The following CEP72 variants were observed in gnomAD, a reference collection of about 807,000 sequenced individuals.
CEP72 encodes centrosomal protein 72.
Under a neutral mutation model 65.7 loss-of-function variants are expected in CEP72, and 78 were observed. That is an observed-to-expected ratio of 1.19 (90% CI 0.99 to 1.43). The LOEUF is 1.43. Ranked by LOEUF, CEP72 falls within the 40% of genes most tolerant of loss-of-function variation. CEP72 has a pLI of 0.00. For missense variants in CEP72, 914 were observed against 832.9 expected (o/e 1.10, Z -1.20); for synonymous variants, 358 against 351.7 (o/e 1.02, Z -0.20).
intron 11 of CEP72, among the ~76,000 whole-genome samples, chr5:649,892 GTGAGGTGTGAC>G (rs1224819555): frequency 3.9e-5 from 5 of 127,086 alleles, no homozygotes; most frequent in African/African-American, 6.1e-5. Context: ...AGGTGGGACT[GTGAGGTGTGAC>G]TGAGGTGTGA....
chr5:670,732 G>A (rs933881505), downstream of CEP72, among the ~76,000 whole-genome samples: 5 of 152,144 alleles, frequency 3.3e-5, no homozygotes, highest in Admixed American at 1.3e-4. Flanking sequence ...CCTGTTGGCC[G>A]CCCCTGCCTC....
intron 11 of CEP72, among the ~76,000 whole-genome samples, chr5:648,803 G>A (rs1475546215): frequency 9.1e-5 from 12 of 132,284 alleles, no homozygotes; most frequent in African/African-American, 2.6e-4. Flanking sequence ...ACTGTGAGGC[G>A]TGGACTGTGA....
intron 2 of CEP72, chr5:665,116 GCAC>G: frequency 6.2e-7 from 1 of 1,610,998 alleles, no homozygotes; most frequent in Non-Finnish European, 8.5e-7. Flanking sequence ...TTGCCCCCTT[GCAC>G]CTTCTGGTCG....
intron 1 of CEP72, among the ~76,000 whole-genome samples, chr5:613,496 G>T (rs1258524314): frequency 1.3e-5 from 2 of 152,200 alleles, no homozygotes; most frequent in African/African-American, 4.8e-5. Flanking sequence ...CTCCTGAGTA[G>T]CTGGGATTAC....
At chr5:635,809 C>G (rs376377326) in intron 6 of CEP72, among the ~76,000 whole-genome samples, 1 of 136,800 alleles carries the variant, frequency 7.3e-6, no homozygotes, top group African/African-American at 2.5e-5. Context: ...CATCCTTTAT[C>G]GGGAACCCAG....
rs1489312960 is a variant in CEP72, at chr5:623,148, G to A, written c.404-1323G>A. On this transcript the variant is annotated intron_variant, in intron 3 of 11. Transcript: ENST00000264935. This position sits in a 1 kb window ranked among gnomAD's most constrained non-coding sequence, Gnocchi z 5.3. The stretch of plus-strand genomic sequence containing the variant: ...AGAGTTTCTGCAGAGAAGGAGCGCA[G>A]CCGTCTCCCTCTTAGTGTTTCTGCA... Among the ~76,000 whole-genome samples, 1 of 151,706 alleles carries A rather than the reference G, an allele frequency of 6.6e-6. No individual in the cohort carries two copies. Among genetic ancestry groups the A allele is most frequent in the Non-Finnish European group, 1.5e-5 (1 of 67,928 alleles).
In CEP72 at chr5:637,550, A is replaced by G. The variant is rs760170602; in HGVS notation, c.938A>G (p.Gln313Arg). 1 of 1,614,004 alleles carries G rather than the reference A, an allele frequency of 6.2e-7. No individual in the cohort carries two copies. The highest frequency in any genetic ancestry group is 2.2e-5 in the East Asian group (1 of 44,892). Residue 313 changes from glutamine to arginine, a missense_variant, in exon 7 of 12, where the codon CAG becomes CGG. Gln to Arg is a conservative substitution (Grantham distance 43). Coordinates refer to ENST00000264935, the MANE Select transcript of CEP72 (RefSeq NM_018140.4). Reference sequence around the variant, plus strand: ...GATACCGAGGACTCGGCCTCTTCTCAGAAGTTGGATTTGTCAGGAGAAATG... The same window carrying G: ...GATACCGAGGACTCGGCCTCTTCTCGGAAGTTGGATTTGTCAGGAGAAATG... Reference protein sequence around the residue: ...SMDTEDSASSQKLDLSGEMVP... With the variant: ...SMDTEDSASSRKLDLSGEMVP...
chr5:641,538 A>G (rs1738023975), intron 9 of CEP72: 5 of 985,130 alleles, frequency 5.1e-6, no homozygotes, highest in Non-Finnish European at 6.0e-6. Flanking sequence ...AAACACAGCA[A>G]AACAACACAG....
At chr5:619,570 A>G (rs1426487212) in intron 2 of CEP72, among the ~76,000 whole-genome samples, 2 of 152,200 alleles carry the variant, frequency 1.3e-5, no homozygotes, top group Non-Finnish European at 2.9e-5. Flanking sequence ...CCCGGACAGA[A>G]CCGTGGGATG....
chr5:638,395 C>T (rs1554015384), intron 7 of CEP72, among the ~76,000 whole-genome samples: 1 of 152,126 alleles, frequency 6.6e-6, no homozygotes, highest in Non-Finnish European at 1.5e-5. Flanking sequence ...CTGCTGTAGA[C>T]ATGAGTGCAG....
chr5:669,415 A>C (rs1475854850), downstream of CEP72, among the ~76,000 whole-genome samples: 1 of 152,126 alleles, frequency 6.6e-6, no homozygotes, highest in Non-Finnish European at 1.5e-5. Context: ...AGGCCACCCC[A>C]GGCAGCCCAC....
At chr5:629,726 G>T (rs1478513515) in intron 4 of CEP72, among the ~76,000 whole-genome samples, 1 of 43,082 alleles carries the variant, frequency 2.3e-5, no homozygotes, top group East Asian at 1.5e-3. Context: ...GTCCAGTGCC[G>T]GGATTTGACT....
chr5:617,273 T>G (rs1163726728), intron 1 of CEP72, among the ~76,000 whole-genome samples: 1 of 152,176 alleles, frequency 6.6e-6, no homozygotes, highest in Non-Finnish European at 1.5e-5. Context: ...TTGTTCCGTA[T>G]ATTTTCCTCC....
chr5:619,960 A>G, intron 2 of CEP72, 109 bp from the exon 3 acceptor site: 1 of 809,692 alleles, frequency 1.2e-6, no homozygotes, highest in Non-Finnish European at 2.0e-6. Context: ...ACATGGAGTT[A>G]TTGCAAATAA....
intron 8 of CEP72, among the ~76,000 whole-genome samples, chr5:640,011 C>T (rs931672272): frequency 3.9e-5 from 6 of 152,216 alleles, no homozygotes; most frequent in African/African-American, 1.4e-4. Context: ...CCTGAGCTTG[C>T]CATCGTCGGT....
chr5:663,171 G>A (rs1739741007), intron 1 of CEP72: 1 of 119,154 alleles, frequency 8.4e-6, no homozygotes, highest in Non-Finnish European at 2.1e-5. Context: ...TCCGATGACT[G>A]CTCGTCTGTG....
At chr5:639,978 A>G (rs1347458063) in intron 8 of CEP72, among the ~76,000 whole-genome samples, 1 of 152,132 alleles carries the variant, frequency 6.6e-6, no homozygotes, top group South Asian at 2.1e-4. Flanking sequence ...CCCTCTCCCT[A>G]GGCTGGTGTC....
chr5:646,808 T>A (rs949377988), intron 10 of CEP72, among the ~76,000 whole-genome samples: 1 of 152,198 alleles, frequency 6.6e-6, no homozygotes, highest in Non-Finnish European at 1.5e-5. Context: ...GGCCACCCAC[T>A]GCTGACGGCT....
downstream of CEP72, among the ~76,000 whole-genome samples, chr5:656,198 T>C (rs568520729): frequency 6.6e-6 from 1 of 152,310 alleles, no homozygotes; most frequent in East Asian, 1.9e-4. Context: ...TCTGTGTCCG[T>C]TTCTGCATCT....
Sources: allele counts gnomAD v4.1 joint callset (sites outside exome capture counted in the v4.1 genomes callset), GRCh38; gene constraint gnomAD v4.1.1; non-coding constraint Gnocchi (gnomAD v3.1); transcripts MANE v1.5; gene names NCBI Gene and HGNC (gene_info 2026-07-23, HGNC 2026-07-21).